ROBO2: variants seen among roughly 807,000 people sequenced by gnomAD.
ROBO2 encodes roundabout homolog 2.
Under a neutral mutation model 160.8 loss-of-function variants are expected in ROBO2, and 53 were observed. The ratio of observed to expected loss-of-function variants is 0.33; its 90% confidence interval spans 0.26 to 0.41. The LOEUF is 0.41. ROBO2 is among the 10% of genes least tolerant of loss of function. The probability of loss-of-function intolerance (pLI) is 1.00; values close to 1 mark genes in which losing one functional copy is unlikely to be tolerated. For synonymous variants in ROBO2, 664 were observed against 611.7 expected, an observed-to-expected ratio of 1.09 and a Z score of -1.26; for missense variants, 1,577 against 1,722.4, an observed-to-expected ratio of 0.92 and a Z score of 1.49.
intron 2 of ROBO2, among the ~76,000 whole-genome samples, chr3:76,606,645 G>A (rs182037692): frequency 6.6e-6 from 1 of 151,788 alleles, no homozygotes; most frequent in African/African-American, 2.4e-5. Context: ...TTATTCTGTT[G>A]GTTTTTTTTG....
At chr3:76,105,885 T>A (rs2069906966) in intron 2 of ROBO2, among the ~76,000 whole-genome samples, 1 of 152,132 alleles carries the variant, frequency 6.6e-6, no homozygotes, top group Non-Finnish European at 1.5e-5. Context: ...TGTTCATAAT[T>A]AACAAAGATT....
At chr3:76,186,440 T>G (rs1416752829) in intron 2 of ROBO2, among the ~76,000 whole-genome samples, 6 of 152,094 alleles carry the variant, frequency 3.9e-5, no homozygotes. Context: ...AAAGCTCTCA[T>G]GTGTCTTTAC....
intron 1 of ROBO2, among the ~76,000 whole-genome samples, chr3:77,072,755 G>T (rs1005280658): frequency 6.6e-6 from 1 of 152,164 alleles, no homozygotes. Flanking sequence ...ATTTGTGAAT[G>T]AATATATTTT....
chr3:77,623,843 G>A (rs1199967162), intron 23 of ROBO2, among the ~76,000 whole-genome samples: 1 of 152,148 alleles, frequency 6.6e-6, no homozygotes, highest in Non-Finnish European at 1.5e-5. Flanking sequence ...TTGCAATAAT[G>A]ATGAAAAACA....
chr3:76,833,099 C>T (rs2067227497), intron 2 of ROBO2, among the ~76,000 whole-genome samples: 1 of 152,024 alleles, frequency 6.6e-6, no homozygotes, highest in South Asian at 2.1e-4. Context: ...TCAAGAAGTG[C>T]AAATATGGGA....
At chr3:77,635,119 A>G (rs1031221777) in intron 24 of ROBO2, 76 bp downstream of exon 25, 1 of 1,507,484 alleles carries the variant, frequency 6.6e-7, no homozygotes, top group Non-Finnish European at 9.1e-7. Context: ...AGATTAATGT[A>G]GTCATGGTAG....
At chr3:77,618,779 A>G in intron 22 of ROBO2, among the ~76,000 whole-genome samples, 1 of 152,200 alleles carries the variant, frequency 6.6e-6, no homozygotes, top group East Asian at 1.9e-4. Flanking sequence ...TCTTTTCTTA[A>G]GATATTCTTG....
chr3:76,639,123 A>G (rs1560283639), intron 2 of ROBO2, among the ~76,000 whole-genome samples: 1 of 152,218 alleles, frequency 6.6e-6, no homozygotes, highest in East Asian at 1.9e-4. Context: ...TTCACTTTAA[A>G]TAAAAGTAAT....
intron 2 of ROBO2, among the ~76,000 whole-genome samples, chr3:76,203,698 A>T (rs74359756): frequency 0.031 from 1,397 of 45,580 alleles, 16 homozygotes; most frequent in African/African-American, 0.081. Context: ...TAGTAACCTG[A>T]GTGAGATTGC....
intron 1 of ROBO2, among the ~76,000 whole-genome samples, chr3:75,919,916 T>A (rs1344574984): frequency 6.6e-6 from 1 of 152,152 alleles, no homozygotes; most frequent in Non-Finnish European, 1.5e-5. Flanking sequence ...GTCTATTTGA[T>A]TTTTCTCTCT....
intron 2 of ROBO2, among the ~76,000 whole-genome samples, chr3:76,001,667 A>G (rs924173103): frequency 2.6e-5 from 4 of 152,016 alleles, no homozygotes; most frequent in African/African-American, 9.7e-5. Context: ...CCTCCTGGGT[A>G]ATTGGGACTA....
chr3:76,543,270 C>T (rs1265856762), intron 2 of ROBO2, among the ~76,000 whole-genome samples: 3 of 152,080 alleles, frequency 2.0e-5, no homozygotes, highest in Non-Finnish European at 2.9e-5. Flanking sequence ...CACAATGTGA[C>T]TGTATTTGAA....
chr3:77,485,082 G>A (rs558538177), intron 4 of ROBO2, among the ~76,000 whole-genome samples: 19 of 152,164 alleles, frequency 1.2e-4, no homozygotes, highest in Middle Eastern at 3.4e-3. Context: ...GGTCAACACC[G>A]TAAACCTAAT....
intron 2 of ROBO2, among the ~76,000 whole-genome samples, chr3:76,296,817 T>A (rs1451137809): frequency 6.6e-6 from 1 of 152,192 alleles, no homozygotes; most frequent in Non-Finnish European, 1.5e-5. Context: ...AGATTCAATG[T>A]CTTAAAACTA....
intron 2 of ROBO2, among the ~76,000 whole-genome samples, chr3:76,392,069 T>C (rs528986391): frequency 1.1e-3 from 168 of 152,322 alleles, no homozygotes; most frequent in African/African-American, 3.9e-3. Context: ...TTCATAACAT[T>C]ATTAATTATT....
At chr3:76,142,458 A>G (rs540266590) in intron 2 of ROBO2, among the ~76,000 whole-genome samples, 1 of 152,212 alleles carries the variant, frequency 6.6e-6, no homozygotes, top group Admixed American at 6.6e-5. Context: ...TAGTACATAT[A>G]CACAATGGAG....
At chr3:77,036,033 ATATAT>A (rs2063614815), upstream of ROBO2, among the ~76,000 whole-genome samples, 1 of 151,214 alleles carries the variant, frequency 6.6e-6, no homozygotes, top group Non-Finnish European at 1.5e-5. Flanking sequence ...GATCAGAGTA[ATATAT>A]TATACTCTTA....
At chr3:76,926,467 GAA>G (rs533866712) in intron 2 of ROBO2, among the ~76,000 whole-genome samples, 318 of 152,324 alleles carry the variant, frequency 2.1e-3, no homozygotes, top group Admixed American at 3.9e-3. Context: ...TTGTGCTTCA[GAA>G]AAGTTAGGAT....
At chr3:76,246,058 CA>C (rs1705597917) in intron 2 of ROBO2, among the ~76,000 whole-genome samples, 2 of 151,872 alleles carry the variant, frequency 1.3e-5, no homozygotes, top group Non-Finnish European at 2.9e-5. Flanking sequence ...TATATGTTAG[CA>C]ACATGGAAGA....
Sources: allele counts gnomAD v4.1 joint callset (sites outside exome capture counted in the v4.1 genomes callset), GRCh38; gene constraint gnomAD v4.1.1; transcripts MANE v1.5; gene names NCBI Gene and HGNC (gene_info 2026-07-23, HGNC 2026-07-21).